The following FGD3 variants were observed in gnomAD, a reference collection of about 807,000 sequenced individuals.
The protein encoded by FGD3 is FYVE, RhoGEF and PH domain containing 3, also known as FYVE, RhoGEF and PH domain-containing protein 3.
A neutral mutation model predicts 71.8 loss-of-function variants in FGD3; 45 were observed. The observed-to-expected ratio is 0.63, with a 90% CI of 0.49 to 0.80. The LOEUF is 0.80. Ranked by LOEUF, FGD3 falls within the 30% of genes least tolerant of loss-of-function variation. The pLI, the probability that FGD3 is intolerant of heterozygous loss-of-function variation, is 0.00. For missense variants in FGD3, 844 were observed against 951.5 expected (o/e 0.89, Z 1.49); for synonymous variants, 378 against 392.8 (o/e 0.96, Z 0.44).
intron 3 of FGD3, among the ~76,000 whole-genome samples, chr9:92,980,949 C>T (rs112345920): frequency 3.4e-4 from 49 of 142,188 alleles, no homozygotes; most frequent in Admixed American, 4.3e-4. Context: ...CTAGGCTGGG[C>T]GACAGAGCAA....
At chr9:92,984,085 T>G (rs1401430866) in intron 3 of FGD3, among the ~76,000 whole-genome samples, 2 of 152,244 alleles carry the variant, frequency 1.3e-5, no homozygotes, top group African/African-American at 4.8e-5. Flanking sequence ...TTTGACTCTT[T>G]CCAGCATAGA....
chr9:92,982,492 TA>T (rs1475201792), intron 3 of FGD3, among the ~76,000 whole-genome samples: 1 of 152,166 alleles, frequency 6.6e-6, no homozygotes. Context: ...TTCCTTTGGA[TA>T]AATGTCCAGT....
chr9:92,997,617 G>T (rs1200897224), intron 3 of FGD3, among the ~76,000 whole-genome samples: 6 of 152,150 alleles, frequency 3.9e-5, no homozygotes, highest in African/African-American at 1.4e-4. Flanking sequence ...GGTACCGGTT[G>T]TTCCTTTCCA....
At chr9:93,021,770 G>T (rs577740513) in intron 13 of FGD3, among the ~76,000 whole-genome samples, 45 of 152,306 alleles carry the variant, frequency 3.0e-4, no homozygotes, top group Middle Eastern at 6.8e-3. Flanking sequence ...TATCAAGTCC[G>T]CTAGGTTTTT....
In FGD3 at chr9:92,983,084, TA is replaced by T. The variant is rs113665774; in HGVS notation, c.453+6387del. 9.3e-3 allele frequency among the ~76,000 whole-genome samples: 1,347 copies of T among 144,166 alleles called. 15 individuals carry two copies. The highest frequency in any genetic ancestry group is 0.027 in the African/African-American group (1,066 of 39,488). The allele number at this position is 144,166 out of a possible 152,430, so 94.6% of individuals were successfully genotyped here. On this transcript the variant is annotated intron_variant, in intron 3 of 17. Transcript: ENST00000375482. Reference sequence around the variant, plus strand: ...CTGAGCAACAGAGTGAGACTCTGTCTAAAAAAAAAAAATTCACCTTTTAAAA... The same window carrying T: ...CTGAGCAACAGAGTGAGACTCTGTCTAAAAAAAAAAATTCACCTTTTAAAA...
intron 13 of FGD3, among the ~76,000 whole-genome samples, chr9:93,021,951 A>T (rs766813105): frequency 2.0e-5 from 3 of 152,134 alleles, no homozygotes; most frequent in Non-Finnish European, 4.4e-5. Flanking sequence ...CACTGTGCTG[A>T]GAAAGTCGGG....
intron 6 of FGD3, among the ~76,000 whole-genome samples, chr9:93,009,721 G>C (rs1282441053): frequency 6.6e-6 from 1 of 152,220 alleles, no homozygotes; most frequent in African/African-American, 2.4e-5. Flanking sequence ...CTGGGTACAC[G>C]TGGAGCGCGA....
At chr9:93,016,158 CG>C (rs1564165179) in intron 10 of FGD3, among the ~76,000 whole-genome samples, 1 of 152,040 alleles carries the variant, frequency 6.6e-6, no homozygotes. Flanking sequence ...GACTGGGACT[CG>C]GGGCCCTATT....
chr9:93,002,034 C>T (rs1002003509), intron 3 of FGD3, among the ~76,000 whole-genome samples: 5 of 152,180 alleles, frequency 3.3e-5, no homozygotes, highest in South Asian at 4.1e-4. Context: ...GATCAACCCT[C>T]AGAAGTGTGA....
chr9:92,973,394 C>T (rs554952204), intron 1 of FGD3, among the ~76,000 whole-genome samples: 8 of 152,134 alleles, frequency 5.3e-5, no homozygotes, highest in Non-Finnish European at 1.2e-4. Flanking sequence ...GGATTACAGG[C>T]GTGAGCCACT....
At chr9:92,982,708 T>C (rs774255525) in intron 3 of FGD3, among the ~76,000 whole-genome samples, 18 of 152,066 alleles carry the variant, frequency 1.2e-4, no homozygotes, top group Non-Finnish European at 2.5e-4. Flanking sequence ...TGAAAGTTTT[T>C]CCTCTATTCT....
chr9:92,993,712 G>A (rs768996030), intron 3 of FGD3, among the ~76,000 whole-genome samples: 5 of 152,110 alleles, frequency 3.3e-5, no homozygotes, highest in Non-Finnish European at 7.4e-5. Flanking sequence ...GAGAACATGC[G>A]GTGTTTGGTT....
At chr9:92,976,820 C>T in intron 3 of FGD3, 111 bp downstream of exon 3, 1 of 1,208,382 alleles carries the variant, frequency 8.3e-7, no homozygotes, top group Non-Finnish European at 1.1e-6. Flanking sequence ...ATGTGGCACA[C>T]AGGCTCGTGC....
rs1226054904 is a variant in FGD3 at position 93,006,779 on chromosome 9, T to A, written c.837+599T>A. The stretch of plus-strand genomic sequence containing the variant: ...TCTCACTCTGTTGCCCAGGCTGGAG[T>A]GTAGTGGCACGATCTCGGCTCACTG... On this transcript the variant is annotated intron_variant, in intron 6 of 17. Coordinates refer to ENST00000375482, the MANE Select transcript of FGD3 (RefSeq NM_001083536.2). Among the ~76,000 whole-genome samples the A allele has an allele frequency of 5.3e-5, 8 of 151,886 alleles. No homozygotes were observed. In the East Asian group the frequency reaches 9.7e-4, roughly 18 times the overall value.
intron 3 of FGD3, among the ~76,000 whole-genome samples, chr9:92,986,401 G>A (rs2118625666): frequency 6.6e-6 from 1 of 152,332 alleles, no homozygotes; most frequent in East Asian, 1.9e-4. Context: ...TGAAGGTCTT[G>A]ATGCATGTTG....
In FGD3 at chr9:92,973,100, C is replaced by A. The variant is rs1859594529; in HGVS notation, c.-217-2138C>A. Among the ~76,000 whole-genome samples, 5 of 141,076 alleles carry A rather than the reference C, an allele frequency of 3.5e-5. No homozygotes were observed. The South Asian group carries it at 1.1e-3, about 31-fold the overall frequency. 92.6% of individuals were successfully genotyped at this position (141,076 alleles called of 152,430 possible). A position where few individuals can be genotyped will look rare whatever the true frequency, so the allele number is the denominator to read the frequency against. On this transcript the variant is annotated intron_variant, in intron 1 of 17. Coordinates refer to ENST00000375482, the MANE Select transcript of FGD3 (RefSeq NM_001083536.2). Reference sequence around the variant, plus strand: ...TCATTAGTTATAGTCCCTTTTATGCCTGGTAATTTTTTTTTTTTTTTTTTT... The same window carrying A: ...TCATTAGTTATAGTCCCTTTTATGCATGGTAATTTTTTTTTTTTTTTTTTT...
chr9:93,013,954 C>T lies in FGD3; in HGVS notation c.1138C>T (p.Leu380=), dbSNP rs936571481. The change falls in exon 9 of 18, where the codon CTG becomes TTG. Residue 380 remains leucine, a synonymous_variant. Transcript: ENST00000375482. ...GATCAAGGAGGGCCAAATCCAGAAA[C>T]TGTCAGCCAAGAACGGCACCCCCCA... The part of the protein sequence containing the change: ...ELIKEGQIQK[L]SAKNGTPQDR... 3 of 1,611,650 alleles carry T rather than the reference C, an allele frequency of 1.9e-6. No individual in the cohort carries two copies. Among genetic ancestry groups the T allele is most frequent in the Non-Finnish European group, 1.7e-6 (2 of 1,179,148 alleles).
intron 3 of FGD3, among the ~76,000 whole-genome samples, chr9:92,981,754 T>A (rs1860008948): frequency 6.6e-6 from 1 of 152,222 alleles, no homozygotes; most frequent in South Asian, 2.1e-4. Context: ...AACTGTCACA[T>A]CTTTTTGGTG....
At position 93,003,055 on chromosome 9, in the gene FGD3, C is replaced by G. The variant is rs763874088; in HGVS notation, c.543+41C>G. 1 of 1,573,906 alleles carries G rather than the reference C, an allele frequency of 6.4e-7. No homozygotes were observed. Among genetic ancestry groups the G allele is most frequent in the East Asian group, 2.2e-5 (1 of 44,704 alleles). On this transcript the variant is annotated intron_variant, in intron 4 of 17. Transcript: ENST00000375482. This position sits in a 1 kb window ranked among gnomAD's most constrained non-coding sequence, Gnocchi z 4.1. ...TGGGGGCAGTTTCAGTATCTCTTAG[C>G]ATTGGCTGGGCATTATAGGTGCAGT...
Sources: allele counts gnomAD v4.1 joint callset (sites outside exome capture counted in the v4.1 genomes callset), GRCh38; gene constraint gnomAD v4.1.1; non-coding constraint Gnocchi (gnomAD v3.1); transcripts MANE v1.5; gene names NCBI Gene and HGNC (gene_info 2026-07-23, HGNC 2026-07-21).